LIN52: variants seen among roughly 807,000 people sequenced by gnomAD.
The protein encoded by LIN52 is protein lin-52 homolog.
A neutral mutation model predicts 18.5 loss-of-function variants in LIN52; 4 were observed. That is an observed-to-expected ratio of 0.22 (90% CI 0.11 to 0.49). The LOEUF is 0.49. LIN52 is among the 20% of genes least tolerant of loss of function. The probability of loss-of-function intolerance (pLI) is 0.97; values close to 1 mark genes in which losing one functional copy is unlikely to be tolerated. For synonymous variants in LIN52, 34 were observed against 45.5 expected (o/e 0.75, Z 1.02); for missense variants, 102 against 139.5 (o/e 0.73, Z 1.35).
chr14:74,099,565 G>T (rs943810926), intron 4 of LIN52, among the ~76,000 whole-genome samples: 2 of 151,200 alleles, frequency 1.3e-5, no homozygotes, highest in Non-Finnish European at 2.9e-5. Flanking sequence ...ATTCAGGAAA[G>T]AACATTTTTA....
chr14:74,132,077 T>C (rs4903191), intron 5 of LIN52, among the ~76,000 whole-genome samples: 34,171 of 152,194 alleles, frequency 0.22, 4,165 homozygotes, highest in South Asian at 0.46. Context: ...GAGCCTGTTA[T>C]GTTTCTTACA....
chr14:74,198,430 T>C (rs1018360715), intron 5 of LIN52, among the ~76,000 whole-genome samples: 1 of 152,184 alleles, frequency 6.6e-6, no homozygotes, highest in African/African-American at 2.4e-5. Context: ...ACTGAGGGAA[T>C]ATAAACCCTG....
At chr14:74,130,230 A>G (rs2061053407) in intron 5 of LIN52, among the ~76,000 whole-genome samples, 1 of 148,056 alleles carries the variant, frequency 6.8e-6, no homozygotes. Context: ...AATAAATTAC[A>G]TGAACACATA....
At chr14:74,198,219 T>C (rs1231154756) in intron 5 of LIN52, among the ~76,000 whole-genome samples, 1 of 152,186 alleles carries the variant, frequency 6.6e-6, no homozygotes, top group African/African-American at 2.4e-5. Flanking sequence ...TTACTTTCAT[T>C]TTGGAGCCTT....
chr14:74,131,985 G>C (rs1203338300), intron 5 of LIN52, among the ~76,000 whole-genome samples: 1 of 152,172 alleles, frequency 6.6e-6, no homozygotes, highest in Non-Finnish European at 1.5e-5. Context: ...CTTACCTAAA[G>C]ACAGCTACAA....
intron 5 of LIN52, among the ~76,000 whole-genome samples, chr14:74,186,190 G>A (rs746380081): frequency 2.4e-4 from 36 of 151,770 alleles, no homozygotes; most frequent in Non-Finnish European, 4.6e-4. Flanking sequence ...ACTTGGGAAG[G>A]CTGAGGCGGG....
chr14:74,159,531 A>G (rs939243871), intron 5 of LIN52, among the ~76,000 whole-genome samples: 3 of 150,700 alleles, frequency 2.0e-5, no homozygotes, highest in Non-Finnish European at 2.9e-5. Context: ...TTCTGTAGCC[A>G]TGGTTCTTAA....
chr14:74,168,411 G>A (rs759076699), intron 5 of LIN52, among the ~76,000 whole-genome samples: 1 of 152,240 alleles, frequency 6.6e-6, no homozygotes, highest in Non-Finnish European at 1.5e-5. Context: ...GCTCACGCCT[G>A]TAGTCCCAGC....
intron 1 of LIN52, among the ~76,000 whole-genome samples, chr14:74,086,669 GA>G (rs34078951): frequency 0.11 from 16,908 of 150,480 alleles, 1,238 homozygotes; most frequent in Admixed American, 0.19. Context: ...AAAAAAGAAG[GA>G]AAAAAAAAGA....
At chr14:74,162,443 C>T (rs117978751) in intron 5 of LIN52, among the ~76,000 whole-genome samples, 12,160 of 132,980 alleles carry the variant, frequency 0.091, 639 homozygotes, top group South Asian at 0.18. Context: ...CACTGTACTC[C>T]AGCCTGAGCA....
intron 5 of LIN52, among the ~76,000 whole-genome samples, chr14:74,129,556 T>G (rs1459229411): frequency 6.6e-6 from 1 of 152,082 alleles, no homozygotes; most frequent in Non-Finnish European, 1.5e-5. Context: ...TTTTCTGTAT[T>G]TCTAAATTAC....
At chr14:74,193,038 G>A (rs565870664) in intron 5 of LIN52, among the ~76,000 whole-genome samples, 2 of 152,082 alleles carry the variant, frequency 1.3e-5, no homozygotes, top group African/African-American at 4.8e-5. Context: ...AAACTAAATG[G>A]CCAATGATAT....
chr14:74,134,574 A>C (rs907633994), intron 5 of LIN52, among the ~76,000 whole-genome samples: 2 of 152,180 alleles, frequency 1.3e-5, no homozygotes, highest in Non-Finnish European at 2.9e-5. Flanking sequence ...ATGTACCTTT[A>C]AGGTGACTTC....
intron 5 of LIN52, among the ~76,000 whole-genome samples, 154 bp from the exon 6 acceptor site, chr14:74,198,768 C>T (rs535749432): frequency 1.3e-5 from 2 of 152,278 alleles, no homozygotes; most frequent in Non-Finnish European, 2.9e-5. Flanking sequence ...TTTGTTTTTA[C>T]CCCCTTTTAG....
At chr14:74,197,376 C>T (rs189175447) in intron 5 of LIN52, among the ~76,000 whole-genome samples, 1 of 152,308 alleles carries the variant, frequency 6.6e-6, no homozygotes, top group East Asian at 1.9e-4. Context: ...GAAATGTTAA[C>T]ATCTCTGATG....
At position 74,159,604 on chromosome 14, in the gene LIN52, ACT is replaced by A. The variant is rs2061215908; in HGVS notation, c.284-39315_284-39314del. Among the ~76,000 whole-genome samples, 7 of 143,100 alleles carry A rather than the reference ACT, an allele frequency of 4.9e-5. 1 individual carries two copies. The South Asian group carries it at 1.6e-3, about 32-fold the overall frequency. 93.9% of individuals were successfully genotyped at this position (143,100 alleles called of 152,430 possible). On this transcript the variant is annotated intron_variant, in intron 5 of 5. Transcript: ENST00000555028. ...TTTTTTTTTGGTGAGATGGAGTCTC[ACT>A]CTGTCACCCAGGCTAGAAGCAGTGG... is the stretch of plus-strand genomic sequence containing the variant.
At chr14:74,169,665 G>A (rs1463991771) in intron 5 of LIN52, among the ~76,000 whole-genome samples, 1 of 152,184 alleles carries the variant, frequency 6.6e-6, no homozygotes, top group Non-Finnish European at 1.5e-5. Flanking sequence ...CACATAAATA[G>A]TTCAATGTAT....
chr14:74,161,431 C>A (rs2061224199), intron 5 of LIN52, among the ~76,000 whole-genome samples: 1 of 152,180 alleles, frequency 6.6e-6, no homozygotes, highest in Non-Finnish European at 1.5e-5. Flanking sequence ...GGTGATCCAC[C>A]CTCCTTGGCC....
At chr14:74,103,400 T>C (rs1461938887) in intron 5 of LIN52, among the ~76,000 whole-genome samples, 1 of 151,042 alleles carries the variant, frequency 6.6e-6, no homozygotes, top group Non-Finnish European at 1.5e-5. Flanking sequence ...TTCCTTTCTC[T>C]TCAGGAACAG....
Sources: allele counts gnomAD v4.1 joint callset (sites outside exome capture counted in the v4.1 genomes callset), GRCh38; gene constraint gnomAD v4.1.1; transcripts MANE v1.5; gene names NCBI Gene and HGNC (gene_info 2026-07-23, HGNC 2026-07-21).